FNBP1L: variants seen among roughly 807,000 people sequenced by gnomAD.
FNBP1L encodes formin-binding protein 1-like.
FNBP1L carries 36 observed loss-of-function variants against 91.2 expected under a neutral mutation model. That is an observed-to-expected ratio of 0.39 (90% confidence interval 0.30 to 0.52). The LOEUF (loss-of-function observed/expected upper bound fraction) is 0.52. Among genes scored for constraint, FNBP1L ranks in the 20% least tolerant of loss-of-function variants. The pLI, the probability that FNBP1L is intolerant of heterozygous loss-of-function variation, is 0.66. For synonymous variants in FNBP1L, 242 were observed against 237.0 expected, an observed-to-expected ratio of 1.02 and a Z score of -0.19; for missense variants, 571 against 732.1, an observed-to-expected ratio of 0.78 and a Z score of 2.54.
At chr1:93,462,739 T>C (rs1223696956) in intron 1 of FNBP1L, among the ~76,000 whole-genome samples, 2 of 152,170 alleles carry the variant, frequency 1.3e-5, no homozygotes, top group African/African-American at 2.4e-5. Context: ...GTGTCTGTTA[T>C]CCACAGGATT....
intron 13 of FNBP1L, 141 bp downstream of exon 13, chr1:93,547,115 G>A: frequency 9.2e-7 from 1 of 1,085,808 alleles, no homozygotes; most frequent in Non-Finnish European, 1.3e-6. Context: ...TGTGATGTGT[G>A]TTATTTAATC....
intron 2 of FNBP1L, among the ~76,000 whole-genome samples, chr1:93,513,380 A>C (rs1266917572): frequency 6.6e-6 from 1 of 151,980 alleles, no homozygotes; most frequent in East Asian, 1.9e-4. Context: ...AACTATTCCA[A>C]TCAATAGAAA....
intron 1 of FNBP1L, 129 bp downstream of exon 1, chr1:93,448,434 G>C: frequency 9.6e-7 from 1 of 1,039,080 alleles, no homozygotes; most frequent in Non-Finnish European, 1.3e-6. Flanking sequence ...CGGAGGGTGA[G>C]GGTCCCGCTC....
chr1:93,535,999 G>A (rs1156745596), intron 9 of FNBP1L, among the ~76,000 whole-genome samples: 1 of 152,018 alleles, frequency 6.6e-6, no homozygotes, highest in African/African-American at 2.4e-5. Flanking sequence ...TTCTTGACAA[G>A]TACCATGGTA....
Position 93,554,001 on chromosome 1 carries a change from C to T in FNBP1L, c.*1585C>T, listed in dbSNP as rs183404823. The T allele has an allele frequency of 2.6e-5, 4 of 152,720 alleles. No homozygotes were observed. The allele number at this position is 152,720 out of a possible 1,614,324, so 9.5% of individuals were successfully genotyped here. Reference sequence around the variant, plus strand: ...TCCCAGTGTTATTTGAATCATACTACCCGTTATACTAAAGCTGAATGACAA... The same window carrying T: ...TCCCAGTGTTATTTGAATCATACTATCCGTTATACTAAAGCTGAATGACAA... On this transcript the variant is annotated 3_prime_UTR_variant, in exon 17 of 17. Transcript: ENST00000271234.
intron 1 of FNBP1L, among the ~76,000 whole-genome samples, chr1:93,496,656 G>A (rs58430978): frequency 0.023 from 3,520 of 151,996 alleles, 115 homozygotes; most frequent in African/African-American, 0.078. Flanking sequence ...CTCTTGCCTC[G>A]GCCTCCCAAA....
At chr1:93,533,182 T>A (rs1253017897) in intron 8 of FNBP1L, 114 bp downstream of exon 8, 1 of 818,160 alleles carries the variant, frequency 1.2e-6, no homozygotes, top group Admixed American at 2.9e-5. Context: ...TTCTAAATTA[T>A]ATTCTGTAGA....
chr1:93,456,927 A>G (rs1668689813), intron 1 of FNBP1L, among the ~76,000 whole-genome samples: 1 of 152,060 alleles, frequency 6.6e-6, no homozygotes, highest in Admixed American at 6.6e-5. Flanking sequence ...TCACTTCCAT[A>G]GCCCAGGCTG....
chr1:93,546,776 T>C (rs1182745911), intron 12 of FNBP1L, 66 bp from the exon 13 acceptor site: 1 of 1,566,112 alleles, frequency 6.4e-7, no homozygotes, highest in Non-Finnish European at 8.7e-7. Flanking sequence ...CAGAGTCCAA[T>C]AAAACTCTTT....
intron 15 of FNBP1L, among the ~76,000 whole-genome samples, chr1:93,550,201 C>T (rs1041463006): frequency 3.3e-5 from 5 of 152,142 alleles, no homozygotes; most frequent in African/African-American, 1.2e-4. Context: ...TAAGACCTTG[C>T]AGCCAAGTGC....
intron 2 of FNBP1L, among the ~76,000 whole-genome samples, chr1:93,520,415 A>G (rs1671283117): frequency 6.6e-6 from 1 of 152,180 alleles, no homozygotes; most frequent in South Asian, 2.1e-4. Context: ...TTAGTTTCCA[A>G]TCCATTGTGT....
intron 1 of FNBP1L, among the ~76,000 whole-genome samples, chr1:93,454,533 A>G (rs190164734): frequency 1.3e-5 from 2 of 152,330 alleles, no homozygotes; most frequent in African/African-American, 4.8e-5. Flanking sequence ...CGCCGCTGCA[A>G]GAATATTTGA....
intron 5 of FNBP1L, among the ~76,000 whole-genome samples, chr1:93,526,939 G>A (rs1384136126): frequency 1.3e-5 from 2 of 152,140 alleles, no homozygotes; most frequent in Admixed American, 1.3e-4. Context: ...GGAAAACACA[G>A]CTCTGAACTC....
chr1:93,512,658 G>A (rs1221772733), intron 2 of FNBP1L, among the ~76,000 whole-genome samples: 1 of 149,104 alleles, frequency 6.7e-6, no homozygotes, highest in Non-Finnish European at 1.5e-5. Context: ...TGAACAACCT[G>A]CTCCTGAATG....
At chr1:93,530,946 T>A in intron 7 of FNBP1L, 63 bp downstream of exon 7, 1 of 1,326,678 alleles carries the variant, frequency 7.5e-7, no homozygotes, top group Non-Finnish European at 1.0e-6. Flanking sequence ...ATAAAACTTG[T>A]AAGTCTTAGA....
At chr1:93,481,016 C>G (rs1035582320) in intron 1 of FNBP1L, among the ~76,000 whole-genome samples, 10 of 152,090 alleles carry the variant, frequency 6.6e-5, no homozygotes, top group African/African-American at 2.4e-4. Context: ...TAATCCCAAT[C>G]GCTTCCTCCA....
chr1:93,488,698 C>T (rs1669997118), intron 1 of FNBP1L, among the ~76,000 whole-genome samples: 1 of 152,176 alleles, frequency 6.6e-6, no homozygotes, highest in Admixed American at 6.6e-5. Flanking sequence ...TTTGCTCTTC[C>T]TGGAATACAT....
At chr1:93,482,005 C>G (rs946098271) in intron 1 of FNBP1L, among the ~76,000 whole-genome samples, 1 of 151,762 alleles carries the variant, frequency 6.6e-6, no homozygotes, top group Admixed American at 6.6e-5. Flanking sequence ...ACTAAAAATG[C>G]AAAAAATAGC....
At chr1:93,513,575 T>G (rs1402202021) in intron 2 of FNBP1L, among the ~76,000 whole-genome samples, 1 of 150,578 alleles carries the variant, frequency 6.6e-6, no homozygotes, top group African/African-American at 2.4e-5. Context: ...TCCACCATGA[T>G]CAAGTGGGCT....
Sources: allele counts gnomAD v4.1 joint callset (sites outside exome capture counted in the v4.1 genomes callset), GRCh38; gene constraint gnomAD v4.1.1; transcripts MANE v1.5; gene names NCBI Gene and HGNC (gene_info 2026-07-23, HGNC 2026-07-21).